Variants in CSMD2 observed in about 807,000 individuals in gnomAD.
CSMD2 encodes CUB and Sushi multiple domains 2, also known as CUB and sushi domain-containing protein 2.
Under a neutral mutation model 398.5 loss-of-function variants are expected in CSMD2, and 130 were observed. That is an observed-to-expected ratio of 0.33 (90% confidence interval 0.28 to 0.38). CSMD2 has a LOEUF of 0.38. Among genes scored for constraint, CSMD2 ranks in the 10% least tolerant of loss-of-function variants. CSMD2 has a pLI of 1.00. For synonymous variants in CSMD2, 1,828 were observed against 1,908.5 expected, an observed-to-expected ratio of 0.96 and a Z score of 1.10; for missense variants, 3,829 against 4,764.9, an observed-to-expected ratio of 0.80 and a Z score of 5.78.
chr1:34,051,894 G>T (rs927324456), intron 2 of CSMD2, among the ~76,000 whole-genome samples: 1 of 152,156 alleles, frequency 6.6e-6, no homozygotes, highest in Admixed American at 6.6e-5. Flanking sequence ...GGGAGGTTCT[G>T]GGTGAGATTA....
Position 33,890,786 on chromosome 1 carries a change from G to A in CSMD2, c.920+27308C>T, listed in dbSNP as rs1641956305. ...TTTTTGACAAACCTGAGAAAAACAA[G>A]CAATGGGGAAAGGATTCCCTATTTA... On this transcript the variant is annotated intron_variant, in intron 5 of 70. Coordinates refer to ENST00000373381, the MANE Select transcript of CSMD2 (RefSeq NM_001281956.2). 2.0e-5 allele frequency among the ~76,000 whole-genome samples: 3 copies of A among 151,902 alleles called. No homozygotes were observed. In the South Asian group the frequency reaches 6.2e-4, roughly 32 times the overall value.
At chr1:34,144,936 G>A (rs1020800900) in intron 1 of CSMD2, among the ~76,000 whole-genome samples, 3 of 152,238 alleles carry the variant, frequency 2.0e-5, no homozygotes, top group Non-Finnish European at 4.4e-5. Context: ...GCTTTGGGCT[G>A]GAACTATTCC....
chr1:33,538,917 C>T (rs1158276967), intron 60 of CSMD2, among the ~76,000 whole-genome samples: 3 of 152,178 alleles, frequency 2.0e-5, no homozygotes. Context: ...GGAGGCATGA[C>T]TGCCCTCGGC....
chr1:33,651,204 A>T (rs964862473), intron 28 of CSMD2, among the ~76,000 whole-genome samples: 2 of 152,102 alleles, frequency 1.3e-5, no homozygotes, highest in African/African-American at 4.8e-5. Flanking sequence ...AAATGATAGG[A>T]CTTAAACCAG....
chr1:34,091,677 T>C (rs1658581095), intron 1 of CSMD2, among the ~76,000 whole-genome samples: 1 of 152,214 alleles, frequency 6.6e-6, no homozygotes, highest in African/African-American at 2.4e-5. Context: ...GTCTTCTGAA[T>C]AAATCCTAAA....
intron 1 of CSMD2, among the ~76,000 whole-genome samples, chr1:34,139,178 C>A (rs1007449097): frequency 6.6e-6 from 1 of 152,158 alleles, no homozygotes; most frequent in Admixed American, 6.5e-5. Context: ...AAGGTGAGGG[C>A]CTCTGCTCTC....
Position 33,636,083 on chromosome 1 carries a change from T to C in CSMD2, c.4969+277A>G, listed in dbSNP as rs1026676551. On this transcript the variant is annotated intron_variant, in intron 30 of 70. Transcript: ENST00000373381. The surrounding 1 kb of genome is among the most constrained non-coding windows in gnomAD (Gnocchi z 4.8). ...TGACTTCTCCCTGGTGTGAGCTCCC[T>C]GATGTGGCATGTCTGGGGGCCTCTG... Among the ~76,000 whole-genome samples the C allele has an allele frequency of 3.9e-5, 6 of 152,314 alleles. No homozygotes were observed. In the East Asian group the frequency reaches 9.6e-4, roughly 24 times the overall value.
In CSMD2 at chr1:33,519,746, G is replaced by A. The variant is rs147373387; in HGVS notation, c.10736+66C>T. 24 of 1,612,252 alleles carry A rather than the reference G, an allele frequency of 1.5e-5. No homozygotes were observed. Among genetic ancestry groups the A allele is most frequent in the Admixed American group, 8.3e-5 (5 of 59,970 alleles). On this transcript the variant is annotated intron_variant, in intron 69 of 70. Transcript: ENST00000373381. This position sits in a 1 kb window ranked among gnomAD's most constrained non-coding sequence, Gnocchi z 5.6. ...ACAGAGAGGCTTAGGGGTCTGGTGC[G>A]GGGGGCCCTGGAGGGAGAGAGGGAG...
In CSMD2 at chr1:34,123,605, G is replaced by T. The variant is rs143258298; in HGVS notation, c.188-34412C>A. Among the ~76,000 whole-genome samples, 303 of 152,130 alleles carry T rather than the reference G, an allele frequency of 2.0e-3. 1 individual carries two copies. Among genetic ancestry groups the T allele is most frequent in the African/African-American group, 6.2e-3 (257 of 41,506 alleles). ...TGGACATGTGACTGGTGTCTGAAGC[G>T]GGGGGGAGTCTCGGGAACTGAGCCC... is the stretch of plus-strand genomic sequence containing the variant. On this transcript the variant is annotated intron_variant, in intron 1 of 70. Transcript: ENST00000373381.
At chr1:33,882,662 A>G (rs1373907236) in intron 5 of CSMD2, among the ~76,000 whole-genome samples, 1 of 152,152 alleles carries the variant, frequency 6.6e-6, no homozygotes, top group East Asian at 1.9e-4. Context: ...CATAAAGAAA[A>G]ATGGAGGTAC....
At chr1:33,935,047 T>C (rs1005062867) in intron 4 of CSMD2, among the ~76,000 whole-genome samples, 24 of 127,456 alleles carry the variant, frequency 1.9e-4, no homozygotes, top group African/African-American at 7.1e-4. Flanking sequence ...AGAAAAAGAA[T>C]GAAAGAAAAA....
At chr1:33,845,590 C>G (rs1461987500) in intron 6 of CSMD2, among the ~76,000 whole-genome samples, 1 of 152,184 alleles carries the variant, frequency 6.6e-6, no homozygotes, top group Non-Finnish European at 1.5e-5. Flanking sequence ...CAGAAAGATA[C>G]AGACAGCTGT....
chr1:33,658,266 T>A, intron 26 of CSMD2, 129 bp from the exon 27 acceptor site: 1 of 702,486 alleles, frequency 1.4e-6, no homozygotes, highest in South Asian at 1.8e-5. Context: ...CTCCCCATCA[T>A]CATCATCAGC....
chr1:33,736,397 C>T (rs866616569), intron 15 of CSMD2, among the ~76,000 whole-genome samples: 3 of 151,402 alleles, frequency 2.0e-5, no homozygotes, highest in African/African-American at 7.3e-5. Flanking sequence ...AGGAGAATGG[C>T]GTGAACCTGG....
intron 3 of CSMD2, among the ~76,000 whole-genome samples, chr1:33,983,268 C>G (rs535424945): frequency 6.6e-6 from 1 of 152,280 alleles, no homozygotes; most frequent in South Asian, 2.1e-4. Context: ...TTAGCAGATG[C>G]CAAGAACTTA....
Position 33,712,532 on chromosome 1 carries a change from C to T in CSMD2, c.3406+2055G>A, listed in dbSNP as rs150222149. 6.2e-3 allele frequency among the ~76,000 whole-genome samples: 944 copies of T among 152,272 alleles called. 7 individuals carry two copies. Among genetic ancestry groups the T allele is most frequent in the Non-Finnish European group, 8.7e-3 (595 of 68,038 alleles). On this transcript the variant is annotated intron_variant, in intron 21 of 70. Coordinates refer to ENST00000373381, the MANE Select transcript of CSMD2 (RefSeq NM_001281956.2). ...ATTAGAGGTGACTATAACTACTGTG[C>T]ATTATTAATAACATGTGAAACAGAA...
chr1:34,080,071 A>C (rs1656884708), intron 2 of CSMD2, among the ~76,000 whole-genome samples: 1 of 151,530 alleles, frequency 6.6e-6, no homozygotes, highest in Admixed American at 6.6e-5. Flanking sequence ...GGACCCAATC[A>C]ATGCATATCT....
intron 6 of CSMD2, among the ~76,000 whole-genome samples, chr1:33,837,587 C>T (rs950821864): frequency 7.2e-5 from 11 of 152,200 alleles, no homozygotes; most frequent in African/African-American, 2.7e-4. Context: ...TCGTACTGTG[C>T]CCTTACCCAT....
chr1:33,523,129 T>C (rs1654461314), intron 67 of CSMD2, among the ~76,000 whole-genome samples, 178 bp downstream of exon 67: 1 of 152,238 alleles, frequency 6.6e-6, no homozygotes, highest in Non-Finnish European at 1.5e-5. Context: ...TTTAAAATCT[T>C]TTCCTTTGCC....
Sources: allele counts gnomAD v4.1 joint callset (sites outside exome capture counted in the v4.1 genomes callset), GRCh38; gene constraint gnomAD v4.1.1; non-coding constraint Gnocchi (gnomAD v3.1); transcripts MANE v1.5; gene names NCBI Gene and HGNC (gene_info 2026-07-23, HGNC 2026-07-21).